SYNPR: variants seen among roughly 807,000 people sequenced by gnomAD.
SYNPR encodes the protein synaptoporin.
In SYNPR, 23 loss-of-function variants were observed where a neutral mutation model predicts 32.9. The ratio of observed to expected loss-of-function variants is 0.70; its 90% CI spans 0.50 to 0.99. The LOEUF is 0.99. Among genes scored for constraint, SYNPR ranks in the 50% least tolerant of loss-of-function variants. SYNPR has a pLI of 0.00. For synonymous variants in SYNPR, 146 were observed against 135.9 expected, an observed-to-expected ratio of 1.07 and a Z score of -0.52; for missense variants, 318 against 349.3, an observed-to-expected ratio of 0.91 and a Z score of 0.71.
chr3:63,244,909 C>T (rs994846085), intron 1 of SYNPR, among the ~76,000 whole-genome samples: 7 of 152,178 alleles, frequency 4.6e-5, no homozygotes, highest in African/African-American at 1.7e-4. Context: ...ATGTACAGTT[C>T]ACATGACTGG....
chr3:63,348,447 T>C (rs1335542965), intron 2 of SYNPR, among the ~76,000 whole-genome samples: 2 of 152,204 alleles, frequency 1.3e-5, no homozygotes, highest in Non-Finnish European at 2.9e-5. Context: ...GTTGGTTGCA[T>C]AGTTTGCAAA....
At chr3:63,560,065 CA>C (rs1181101317) in intron 4 of SYNPR, among the ~76,000 whole-genome samples, 50 of 152,300 alleles carry the variant, frequency 3.3e-4, no homozygotes, top group African/African-American at 1.2e-3. Context: ...TCTTTCCCAT[CA>C]AGCAAGATAT....
At chr3:63,249,847 T>C (rs1303647640) in intron 1 of SYNPR, among the ~76,000 whole-genome samples, 4 of 152,156 alleles carry the variant, frequency 2.6e-5, no homozygotes, top group African/African-American at 9.6e-5. Flanking sequence ...ATTGATTGCA[T>C]GCCTTGCTTT....
At chr3:63,540,930 A>AACACACACACACACACACAC (rs58295090) in intron 3 of SYNPR, among the ~76,000 whole-genome samples, 14 of 122,848 alleles carry the variant, frequency 1.1e-4, no homozygotes, top group African/African-American at 3.9e-4. Context: ...TCCCCCCCCC[A>AACACACACACACACACACAC]ACACACACAC....
intron 3 of SYNPR, among the ~76,000 whole-genome samples, chr3:63,482,440 G>A (rs1168828794): frequency 6.6e-6 from 1 of 152,084 alleles, no homozygotes; most frequent in Non-Finnish European, 1.5e-5. Context: ...TGAGAAAGTT[G>A]GAGCAGGAGA....
At chr3:63,249,505 T>G (rs1425230447) in intron 1 of SYNPR, among the ~76,000 whole-genome samples, 1 of 152,078 alleles carries the variant, frequency 6.6e-6, no homozygotes, top group African/African-American at 2.4e-5. Flanking sequence ...GCTATGAGGA[T>G]GCAAAGGTAT....
intron 2 of SYNPR, among the ~76,000 whole-genome samples, chr3:63,304,893 T>C (rs745679460): frequency 6.6e-6 from 1 of 151,988 alleles, no homozygotes; most frequent in Non-Finnish European, 1.5e-5. Flanking sequence ...TTTCTACAAG[T>C]TGAGGTTCAA....
At chr3:63,323,844 A>G (rs2087136996) in intron 2 of SYNPR, among the ~76,000 whole-genome samples, 1 of 152,092 alleles carries the variant, frequency 6.6e-6, no homozygotes. Flanking sequence ...TTTCACATGC[A>G]TTCTCTCATT....
intron 4 of SYNPR, among the ~76,000 whole-genome samples, chr3:63,569,169 A>G (rs1702843957): frequency 6.6e-6 from 1 of 152,160 alleles, no homozygotes; most frequent in Non-Finnish European, 1.5e-5. Flanking sequence ...TTATTTCACC[A>G]ATCTCTTATT....
At chr3:63,432,046 G>A (rs1445279022) in intron 2 of SYNPR, among the ~76,000 whole-genome samples, 2 of 152,098 alleles carry the variant, frequency 1.3e-5, no homozygotes, top group Non-Finnish European at 2.9e-5. Flanking sequence ...ATGCTTGCAG[G>A]AGCCAATAAG....
the SYNPR span, among the ~76,000 whole-genome samples, chr3:63,208,053 AC>A: frequency 6.6e-6 from 1 of 151,980 alleles, no homozygotes; most frequent in Non-Finnish European, 1.5e-5. Flanking sequence ...ACAAACACAC[AC>A]ACACACACAC....
chr3:63,600,415 G>A (rs1052450661), intron 4 of SYNPR, among the ~76,000 whole-genome samples: 4 of 152,184 alleles, frequency 2.6e-5, no homozygotes, highest in Non-Finnish European at 4.4e-5. Flanking sequence ...CTCAGCAGGA[G>A]GTGGGACAAT....
chr3:63,253,768 A>T (rs2086357938), intron 2 of SYNPR, among the ~76,000 whole-genome samples: 1 of 152,334 alleles, frequency 6.6e-6, no homozygotes, highest in East Asian at 1.9e-4. Flanking sequence ...GCGATTCCTC[A>T]GGGATCTAGA....
chr3:63,305,757 T>C (rs1214231233), intron 2 of SYNPR, among the ~76,000 whole-genome samples: 2 of 151,896 alleles, frequency 1.3e-5, no homozygotes, highest in Non-Finnish European at 2.9e-5. Context: ...TCAAATCGAG[T>C]TGTTAGATAC....
chr3:63,372,319 C>T (rs1302792655), intron 2 of SYNPR, among the ~76,000 whole-genome samples: 1 of 152,086 alleles, frequency 6.6e-6, no homozygotes, highest in African/African-American at 2.4e-5. Context: ...CACAGCCACC[C>T]CATCCCTGGC....
chr3:63,356,416 T>C (rs1439401627), intron 2 of SYNPR, among the ~76,000 whole-genome samples: 2 of 152,254 alleles, frequency 1.3e-5, no homozygotes, highest in Admixed American at 6.5e-5. Context: ...TTAGACAGTA[T>C]GGTAAGTGCT....
At chr3:63,319,084 T>A (rs1227855941) in intron 2 of SYNPR, among the ~76,000 whole-genome samples, 1 of 152,018 alleles carries the variant, frequency 6.6e-6, no homozygotes, top group Non-Finnish European at 1.5e-5. Flanking sequence ...CTGGGAGGTG[T>A]CTGCACAGAT....
chr3:63,327,852 G>T (rs1200892417), intron 2 of SYNPR, among the ~76,000 whole-genome samples: 3 of 152,028 alleles, frequency 2.0e-5, no homozygotes, highest in African/African-American at 7.2e-5. Flanking sequence ...TGAGTAATAG[G>T]TGTGTTCACC....
intron 2 of SYNPR, among the ~76,000 whole-genome samples, chr3:63,280,926 T>C (rs1386854739): frequency 6.6e-6 from 1 of 152,216 alleles, no homozygotes; most frequent in Non-Finnish European, 1.5e-5. Flanking sequence ...AGAACATGAA[T>C]AATGGACAAA....
Sources: gnomAD v4.1 joint callset for allele counts (sites outside exome capture counted in the v4.1 genomes callset) on GRCh38, gnomAD v4.1.1 for gene constraint, MANE v1.5 for transcripts, NCBI Gene and HGNC (gene_info 2026-07-23, HGNC 2026-07-21) for gene names.